The following ZSCAN5A variants were observed in gnomAD, a reference collection of about 807,000 sequenced individuals.
ZSCAN5A encodes the protein zinc finger and SCAN domain-containing protein 5A.
ZSCAN5A carries 12 observed loss-of-function variants against 23.7 expected under a neutral mutation model. That is an observed-to-expected ratio of 0.51 (90% CI 0.32 to 0.82). The LOEUF (loss-of-function observed/expected upper bound fraction) is 0.82, where lower values mean the gene tolerates loss of function less well. Ranked by LOEUF, ZSCAN5A falls within the 40% of genes least tolerant of loss-of-function variation. The pLI, the probability that ZSCAN5A is intolerant of heterozygous loss-of-function variation, is 0.03. For missense variants in ZSCAN5A, 597 were observed against 617.9 expected (o/e 0.97, Z 0.36); for synonymous variants, 257 against 239.9 (o/e 1.07, Z -0.66).
chr19:56,244,498 G>C lies in ZSCAN5A; in HGVS notation c.-127-19325C>G, dbSNP rs111429542. ...GGGGCTGCACGGTGCAGCTGGACTC[G>C]AGAGGACCCGAGGGGCTGCTCTAGG... On this transcript the variant is annotated intron_variant, in intron 2 of 5. Transcript: ENST00000683990. The C allele has an allele frequency of 4.1e-4, 605 of 1,483,240 alleles. 2 individuals are homozygous for C. The highest frequency in any genetic ancestry group is 5.2e-4 in the Non-Finnish European group (573 of 1,106,188). The allele number at this position is 1,483,240 out of a possible 1,614,324, so 91.9% of individuals were successfully genotyped here. A position where few individuals can be genotyped will look rare whatever the true frequency, so the allele number is the denominator to read the frequency against.
chr19:56,258,936 C>T (rs1490767385), intron 2 of ZSCAN5A, among the ~76,000 whole-genome samples: 1 of 152,166 alleles, frequency 6.6e-6, no homozygotes, highest in Non-Finnish European at 1.5e-5. Flanking sequence ...GGGAGCCCCA[C>T]CTAGCCCACG....
chr19:56,346,144 T>A (rs1600296840), intron 2 of ZSCAN5A, among the ~76,000 whole-genome samples: 5 of 137,074 alleles, frequency 3.6e-5, no homozygotes, highest in African/African-American at 2.7e-5. Flanking sequence ...AAACCTTTGC[T>A]CAATTAAAAA....
intron 2 of ZSCAN5A, chr19:56,321,045 A>G (rs2041370105): frequency 9.9e-6 from 7 of 704,754 alleles, no homozygotes; most frequent in Admixed American, 3.6e-5. Context: ...TCTCACTGAC[A>G]TGGACAACAT....
At chr19:56,320,208 C>A in intron 2 of ZSCAN5A, 1 of 632,658 alleles carries the variant, frequency 1.6e-6, no homozygotes, top group South Asian at 1.5e-5. Flanking sequence ...ATAATCATCT[C>A]AATTCTGTTC....
intron 1 of ZSCAN5A, among the ~76,000 whole-genome samples, chr19:56,314,024 A>T (rs8104155): frequency 6.6e-6 from 1 of 152,100 alleles, no homozygotes; most frequent in African/African-American, 2.4e-5. Flanking sequence ...GGCTGGAGAG[A>T]ATTTTTCCTG....
In ZSCAN5A at chr19:56,255,113, T is replaced by C. The variant is rs9807889; in HGVS notation, c.-127-29940A>G. Among the ~76,000 whole-genome samples, 758 of 152,250 alleles carry C rather than the reference T, an allele frequency of 5.0e-3. 9 individuals carry two copies. Among genetic ancestry groups the C allele is most frequent in the African/African-American group, 0.017 (711 of 41,544 alleles). ...TAAGTGAGGTACAGTAAATGGCACG[T>C]TATCAGTTTATGATTTGTCGTGTTC... On this transcript the variant is annotated intron_variant, in intron 2 of 5. Transcript: ENST00000683990.
chr19:56,330,859 C>T (rs888018192), intron 2 of ZSCAN5A, among the ~76,000 whole-genome samples: 3 of 152,026 alleles, frequency 2.0e-5, no homozygotes, highest in Non-Finnish European at 4.4e-5. Context: ...CTTTTGAGAA[C>T]TTAGTAATAA....
chr19:56,342,494 A>G, intron 2 of ZSCAN5A: 1 of 399,542 alleles, frequency 2.5e-6, no homozygotes, highest in South Asian at 2.4e-5. Flanking sequence ...GGGCTGGAAC[A>G]GTAAGCACTC....
chr19:56,350,087 T>A (rs1372524783), intron 2 of ZSCAN5A, among the ~76,000 whole-genome samples: 1 of 152,250 alleles, frequency 6.6e-6, no homozygotes, highest in Non-Finnish European at 1.5e-5. Context: ...ATTCTGGTTG[T>A]AAAATTCTAA....
intron 2 of ZSCAN5A, among the ~76,000 whole-genome samples, chr19:56,362,059 G>A (rs1455859855): frequency 1.3e-5 from 2 of 151,388 alleles, no homozygotes; most frequent in African/African-American, 4.9e-5. Flanking sequence ...TCGGGAGGCT[G>A]AGGCAGAAGA....
chr19:56,264,672 TA>T (rs1367897397), intron 2 of ZSCAN5A, among the ~76,000 whole-genome samples: 1 of 152,270 alleles, frequency 6.6e-6, no homozygotes, highest in Non-Finnish European at 1.5e-5. Flanking sequence ...CTTGCTTATG[TA>T]TTGTCTCTGG....
chr19:56,273,124 C>T (rs2037974421), intron 2 of ZSCAN5A, among the ~76,000 whole-genome samples: 2 of 152,304 alleles, frequency 1.3e-5, no homozygotes, highest in Non-Finnish European at 2.9e-5. Context: ...ACACTTGTGT[C>T]TGCATCCTGG....
intron 3 of ZSCAN5A, 49 bp downstream of exon 3, chr19:56,224,614 C>T (rs543481853): frequency 1.3e-6 from 2 of 1,550,854 alleles, no homozygotes; most frequent in Non-Finnish European, 1.7e-6. Context: ...ACCGTGCAGC[C>T]CCCATCCCAG....
rs777848514 is a variant in ZSCAN5A at position 56,223,678 on chromosome 19, G to A, written c.541C>T (p.Arg181Ter). 3.1e-6 allele frequency: 5 copies of A among 1,613,760 alleles called. No homozygotes were observed. The highest frequency in any genetic ancestry group is 1.1e-5 in the South Asian group (1 of 91,064). Residue 181 changes from arginine (R) to a stop codon, truncating the protein, a stop_gained, in exon 4 of 6, where the codon CGA becomes TGA. Transcript: ENST00000683990. LOFTEE classifies it high-confidence loss of function. Reference protein sequence around the residue: ...QMRPGEGQAHRELQILPRVPA... With the variant: ...QMRPGEGQAH The stretch of plus-strand genomic sequence containing the variant: ...ACCCTGGGCAGGATCTGCAGCTCTC[G>A]GTGGGCCTGGCCTTCCCCTGGACGC...
chr19:56,246,629 T>C, intron 2 of ZSCAN5A: 1 of 711,794 alleles, frequency 1.4e-6, no homozygotes, highest in Non-Finnish European at 2.4e-6. Flanking sequence ...AGGTTTAAGG[T>C]TGAGGGGAAG....
intron 2 of ZSCAN5A, among the ~76,000 whole-genome samples, chr19:56,230,437 A>G (rs1302084613): frequency 6.6e-6 from 1 of 152,200 alleles, no homozygotes; most frequent in Non-Finnish European, 1.5e-5. Flanking sequence ...AAACAGGTAT[A>G]CGTTGTGATG....
intron 2 of ZSCAN5A, among the ~76,000 whole-genome samples, chr19:56,303,180 G>C (rs1378056559): frequency 6.6e-6 from 1 of 152,110 alleles, no homozygotes; most frequent in Non-Finnish European, 1.5e-5. Context: ...AAGGCAGGGT[G>C]CAAGAAACTA....
At chr19:56,361,886 G>A (rs973477374) in intron 2 of ZSCAN5A, among the ~76,000 whole-genome samples, 4 of 151,996 alleles carry the variant, frequency 2.6e-5, no homozygotes, top group African/African-American at 9.7e-5. Flanking sequence ...GGCAGGGTGC[G>A]GTGGCTCACA....
At chr19:56,241,522 C>A (rs1004941846) in intron 2 of ZSCAN5A, among the ~76,000 whole-genome samples, 1 of 152,182 alleles carries the variant, frequency 6.6e-6, no homozygotes, top group East Asian at 1.9e-4. Context: ...AGGATGTGAA[C>A]GCTGTAAAAT....
Sources: allele counts gnomAD v4.1 joint callset (sites outside exome capture counted in the v4.1 genomes callset), GRCh38; gene constraint gnomAD v4.1.1; transcripts MANE v1.5; gene names NCBI Gene and HGNC (gene_info 2026-07-23, HGNC 2026-07-21).